CTNND2: variants seen among roughly 807,000 people sequenced by gnomAD.
CTNND2 encodes the protein catenin delta-2.
Under a neutral mutation model 144.4 loss-of-function variants are expected in CTNND2, and 22 were observed. The ratio of observed to expected loss-of-function variants is 0.15; its 90% CI spans 0.11 to 0.22. The LOEUF is 0.22. Among genes scored for constraint, CTNND2 ranks in the 10% least tolerant of loss-of-function variants. The pLI is 1.00. For synonymous variants in CTNND2, 751 were observed against 695.6 expected, an observed-to-expected ratio of 1.08 and a Z score of -1.25; for missense variants, 1,353 against 1,618.8, an observed-to-expected ratio of 0.84 and a Z score of 2.82.
chr5:10,992,599 G>T lies in CTNND2; in HGVS notation c.3163C>A (p.Arg1055Ser). The T allele has an allele frequency of 6.2e-7, 1 of 1,614,136 alleles. No homozygotes were observed. The highest frequency in any genetic ancestry group is 8.5e-7 in the Non-Finnish European group (1 of 1,180,024). The change falls in exon 19 of 22, where the codon CGC (arginine) becomes AGC (serine). Residue 1055 changes from arginine to serine, a missense_variant. Physicochemically the swap from Arg to Ser is moderately radical, Grantham distance 110. Transcript: ENST00000304623. The stretch of plus-strand genomic sequence containing the variant: ...CGCACAGGGGAGATGGAGGGCGTGC[G>T]GGAGGAGGAGTAGGGCCTTTGCCGG... Reference protein sequence around the residue: ...RDRQRPYSSSRTPSISPVRVS... With the variant: ...RDRQRPYSSSSTPSISPVRVS...
At chr5:11,629,373 T>C (rs1469434887) in intron 2 of CTNND2, among the ~76,000 whole-genome samples, 1 of 152,206 alleles carries the variant, frequency 6.6e-6, no homozygotes, top group African/African-American at 2.4e-5. Context: ...ATATGACAGC[T>C]GTTTTCTACA....
At chr5:11,349,877 ATTTACAC>A (rs1262200060) in intron 8 of CTNND2, among the ~76,000 whole-genome samples, 1 of 152,182 alleles carries the variant, frequency 6.6e-6, no homozygotes, top group Non-Finnish European at 1.5e-5. Flanking sequence ...TTCTCATTAC[ATTTACAC>A]TGTTTCACTT....
At chr5:11,831,996 A>C (rs935431216) in intron 1 of CTNND2, among the ~76,000 whole-genome samples, 2 of 152,172 alleles carry the variant, frequency 1.3e-5, no homozygotes, top group Non-Finnish European at 2.9e-5. Flanking sequence ...AAAATACAAA[A>C]GCTCTGGCCG....
At chr5:11,436,919 AG>A (rs1426121903) in intron 3 of CTNND2, among the ~76,000 whole-genome samples, 1 of 152,230 alleles carries the variant, frequency 6.6e-6, no homozygotes, top group African/African-American at 2.4e-5. Context: ...ACAAATGGAA[AG>A]GAAGAGTATC....
chr5:11,044,656 ATC>A lies in CTNND2; in HGVS notation c.2789-21679_2789-21678del, dbSNP rs530318532. Among the ~76,000 whole-genome samples the A allele has an allele frequency of 1.6e-3, 249 of 152,308 alleles. 1 individual carries two copies. The highest frequency in any genetic ancestry group is 5.6e-3 in the African/African-American group (233 of 41,560). On this transcript the variant is annotated intron_variant, in intron 16 of 21. Coordinates refer to ENST00000304623, the MANE Select transcript of CTNND2 (RefSeq NM_001332.4). ...ATTAGTTAAACAGAGCTTATGCAGCATCTGTTTTCCTTCCAGTGTCACATTGC... is the reference window on the plus strand; with the variant it reads ...ATTAGTTAAACAGAGCTTATGCAGCATGTTTTCCTTCCAGTGTCACATTGC...
intron 16 of CTNND2, among the ~76,000 whole-genome samples, chr5:11,038,311 T>G (rs1219687932): frequency 1.3e-5 from 2 of 152,184 alleles, no homozygotes; most frequent in Non-Finnish European, 2.9e-5. Flanking sequence ...CTTCGCCTTC[T>G]GTCAGATCAG....
chr5:11,532,327 G>A (rs1388775234), intron 3 of CTNND2, among the ~76,000 whole-genome samples: 1 of 114,884 alleles, frequency 8.7e-6, no homozygotes, highest in African/African-American at 3.4e-5. Flanking sequence ...TCCAGTATTG[G>A]CCTCAAGAAC....
At chr5:11,078,646 C>T (rs752760464) in intron 16 of CTNND2, among the ~76,000 whole-genome samples, 6 of 152,130 alleles carry the variant, frequency 3.9e-5, no homozygotes, top group Non-Finnish European at 8.8e-5. Flanking sequence ...CATACAAACA[C>T]ACAATACCAA....
intron 2 of CTNND2, among the ~76,000 whole-genome samples, chr5:11,685,356 G>A (rs1421463567): frequency 6.6e-6 from 1 of 152,102 alleles, no homozygotes; most frequent in East Asian, 1.9e-4. Flanking sequence ...TTAACCTACA[G>A]GTAGTTCACA....
chr5:11,434,938 C>T (rs1180102784), intron 3 of CTNND2, among the ~76,000 whole-genome samples: 1 of 151,918 alleles, frequency 6.6e-6, no homozygotes, highest in African/African-American at 2.4e-5. Flanking sequence ...ATAGCATGCA[C>T]AAGTGTAACA....
At chr5:11,068,018 C>T (rs921369422) in intron 16 of CTNND2, among the ~76,000 whole-genome samples, 1 of 152,148 alleles carries the variant, frequency 6.6e-6, no homozygotes, top group African/African-American at 2.4e-5. Context: ...AGCAACTATC[C>T]ATTACATAAA....
chr5:11,487,884 T>C (rs1041759242), intron 3 of CTNND2, among the ~76,000 whole-genome samples: 4 of 152,152 alleles, frequency 2.6e-5, no homozygotes, highest in Non-Finnish European at 4.4e-5. Flanking sequence ...GGCTTTTTTT[T>C]GGTCCCAGAG....
intron 2 of CTNND2, among the ~76,000 whole-genome samples, chr5:11,660,091 C>G (rs1408493172): frequency 6.6e-6 from 1 of 152,020 alleles, no homozygotes; most frequent in Non-Finnish European, 1.5e-5. Context: ...GAAATTTGAG[C>G]TGGTGGGATG....
At chr5:11,617,643 G>T (rs556869351) in intron 2 of CTNND2, among the ~76,000 whole-genome samples, 6 of 152,116 alleles carry the variant, frequency 3.9e-5, no homozygotes, top group Non-Finnish European at 7.4e-5. Context: ...TGTCATATTG[G>T]TATATAGAGG....
At chr5:11,726,043 A>C (rs1158797162) in intron 2 of CTNND2, among the ~76,000 whole-genome samples, 1 of 152,184 alleles carries the variant, frequency 6.6e-6, no homozygotes, top group East Asian at 1.9e-4. Context: ...GGCCCTTTTC[A>C]GTAATTAATG....
Position 11,904,345 on chromosome 5 carries a change from G to T in CTNND2, c.-492C>A, listed in dbSNP as rs1473251903. Among the ~76,000 whole-genome samples, 4 of 150,088 alleles carry T rather than the reference G, an allele frequency of 2.7e-5. No individual in the cohort carries two copies. The highest frequency in any genetic ancestry group is 4.4e-5 in the Non-Finnish European group (3 of 67,448). On this transcript the variant is annotated 5_prime_UTR_variant, in exon 1 of 22. Coordinates refer to ENST00000304623, the MANE Select transcript of CTNND2 (RefSeq NM_001332.4). The surrounding 1 kb of genome is among the most constrained non-coding windows in gnomAD (Gnocchi z 4.2). ...CCGCCGAGGGCGAGGCTCCTCCCGC[G>T]GCGCGCGGCAGCCTCAGCCTCCACC... is the stretch of plus-strand genomic sequence containing the variant.
At chr5:11,596,666 T>C (rs1171813208) in intron 2 of CTNND2, among the ~76,000 whole-genome samples, 2 of 152,132 alleles carry the variant, frequency 1.3e-5, no homozygotes, top group Non-Finnish European at 2.9e-5. Context: ...TAAAAATCCT[T>C]TACATTTAGG....
At chr5:11,519,489 T>C (rs1373580300) in intron 3 of CTNND2, among the ~76,000 whole-genome samples, 1 of 141,724 alleles carries the variant, frequency 7.1e-6, no homozygotes, top group Non-Finnish European at 1.5e-5. Flanking sequence ...ATGGTTTACT[T>C]TTCATTCTCT....
chr5:11,591,423 T>C (rs16901771), intron 2 of CTNND2, among the ~76,000 whole-genome samples: 3,855 of 152,266 alleles, frequency 0.025, 90 homozygotes, highest in East Asian at 0.12. Flanking sequence ...CTCCTAGTTA[T>C]CTCTCTTCTA....
Sources: allele counts gnomAD v4.1 joint callset (sites outside exome capture counted in the v4.1 genomes callset), GRCh38; gene constraint gnomAD v4.1.1; non-coding constraint Gnocchi (gnomAD v3.1); transcripts MANE v1.5; gene names NCBI Gene and HGNC (gene_info 2026-07-23, HGNC 2026-07-21).